The following DIXDC1 variants were observed in gnomAD, a reference collection of about 807,000 sequenced individuals.
DIXDC1 encodes the protein dixin.
DIXDC1 carries 64 observed loss-of-function variants against 103.1 expected under a neutral mutation model. The observed-to-expected ratio is 0.62, with a 90% CI of 0.51 to 0.76. The LOEUF is 0.76. DIXDC1 is among the 30% of genes least tolerant of loss of function. DIXDC1 has a pLI of 0.00. For missense variants in DIXDC1, 759 were observed against 834.2 expected (o/e 0.91, Z 1.11); for synonymous variants, 266 against 298.5 (o/e 0.89, Z 1.12).
At chr11:111,979,023 A>G (rs1860212849) in intron 5 of DIXDC1, among the ~76,000 whole-genome samples, 1 of 152,340 alleles carries the variant, frequency 6.6e-6, no homozygotes, top group South Asian at 2.1e-4. Flanking sequence ...GCTATTTCGG[A>G]ATATCACTTC....
chr11:112,004,054 G>GTATA (rs1214049647), intron 17 of DIXDC1, among the ~76,000 whole-genome samples: 1 of 143,080 alleles, frequency 7.0e-6, no homozygotes, highest in Non-Finnish European at 1.5e-5. Flanking sequence ...ATATATGTAT[G>GTATA]TATATATATG....
At chr11:111,930,162 G>A (rs782067414) in intron 2 of DIXDC1, among the ~76,000 whole-genome samples, 14 of 152,030 alleles carry the variant, frequency 9.2e-5, no homozygotes, top group East Asian at 1.9e-4. Context: ...GAATGTATGC[G>A]TTTTTAAAAG....
chr11:111,960,651 G>T (rs1244783107), intron 1 of DIXDC1, among the ~76,000 whole-genome samples: 1 of 151,754 alleles, frequency 6.6e-6, no homozygotes, highest in Non-Finnish European at 1.5e-5. Flanking sequence ...ACTATTTTAT[G>T]TAAGGAATAG....
chr11:111,988,300 A>G (rs776134853), intron 9 of DIXDC1, among the ~76,000 whole-genome samples: 5 of 152,188 alleles, frequency 3.3e-5, no homozygotes, highest in Non-Finnish European at 7.3e-5. Context: ...GCCCAGCCTA[A>G]TAGAGCAACT....
At chr11:111,955,939 C>T (rs998933674) in intron 1 of DIXDC1, among the ~76,000 whole-genome samples, 1 of 149,786 alleles carries the variant, frequency 6.7e-6, no homozygotes, top group Non-Finnish European at 1.5e-5. Context: ...CTCAAGAGCC[C>T]ATCAACTAAT....
chr11:111,995,357 G>T lies in DIXDC1; in HGVS notation c.1528-46G>T, dbSNP rs782607731. The T allele has an allele frequency of 5.0e-6, 8 of 1,602,856 alleles. No homozygotes were observed. In the African/African-American group the frequency reaches 9.4e-5, roughly 19 times the overall value. On this transcript the variant is annotated intron_variant, in intron 15 of 19. Transcript: ENST00000440460. ...ATATCCTTTTAAGCCCAGTGGTTGG[G>T]AAGTGGCACCGTGCCATGCCAGCAA...
intron 1 of DIXDC1, among the ~76,000 whole-genome samples, chr11:111,939,076 A>G (rs1429149378): frequency 1.3e-5 from 2 of 152,178 alleles, no homozygotes; most frequent in Non-Finnish European, 1.5e-5. Flanking sequence ...AGTCTGACTC[A>G]TTCACCAACT....
At chr11:111,974,735 G>T in intron 4 of DIXDC1, 141 bp from the exon 5 acceptor site, 1 of 1,438,620 alleles carries the variant, frequency 7.0e-7, no homozygotes, top group Non-Finnish European at 9.2e-7. Context: ...TCCCTGCTAG[G>T]TACCAAGTGT....
At chr11:111,948,171 T>G (rs1463272562) in intron 1 of DIXDC1, among the ~76,000 whole-genome samples, 1 of 152,198 alleles carries the variant, frequency 6.6e-6, no homozygotes, top group Non-Finnish European at 1.5e-5. Context: ...ATGCCACTTC[T>G]ACAAGGCCAC....
upstream of DIXDC1, among the ~76,000 whole-genome samples, chr11:111,936,312 A>G (rs1966183831): frequency 1.3e-5 from 2 of 152,242 alleles, no homozygotes; most frequent in Non-Finnish European, 2.9e-5. Context: ...CTGAGTTGCA[A>G]ATGACTAGTA....
At chr11:111,953,228 G>A (rs587757775) in intron 1 of DIXDC1, among the ~76,000 whole-genome samples, 139 of 152,156 alleles carry the variant, frequency 9.1e-4, no homozygotes, top group African/African-American at 3.2e-3. Context: ...GATAGGGTGC[G>A]GAGAGGTACA....
At chr11:111,944,025 G>T (rs1190309804) in intron 1 of DIXDC1, among the ~76,000 whole-genome samples, 1 of 152,192 alleles carries the variant, frequency 6.6e-6, no homozygotes, top group African/African-American at 2.4e-5. Flanking sequence ...AGGGCTGAAA[G>T]AGTTAATAGA....
At chr11:111,994,634 GAA>G (rs1860827344) in intron 14 of DIXDC1, among the ~76,000 whole-genome samples, 1 of 151,148 alleles carries the variant, frequency 6.6e-6, no homozygotes, top group Non-Finnish European at 1.5e-5. Flanking sequence ...ATATATGTAT[GAA>G]TATATATATA....
At chr11:111,944,737 G>T (rs888536809) in intron 1 of DIXDC1, among the ~76,000 whole-genome samples, 6 of 152,094 alleles carry the variant, frequency 3.9e-5, no homozygotes, top group African/African-American at 1.4e-4. Flanking sequence ...AACTTTAGAG[G>T]GGTCCAGTCT....
chr11:111,927,906 C>T (rs1373060567), intron 1 of DIXDC1, among the ~76,000 whole-genome samples: 4 of 149,870 alleles, frequency 2.7e-5, no homozygotes, highest in Non-Finnish European at 5.9e-5. Context: ...ATCCCAGCTA[C>T]TCAGGAGACT....
rs782684470 is a variant in DIXDC1 at position 111,977,531 on chromosome 11, C to G, written c.656+2548C>G. On this transcript the variant is annotated intron_variant, in intron 5 of 19. Transcript: ENST00000440460. This position sits in a 1 kb window ranked among gnomAD's most constrained non-coding sequence, Gnocchi z 6.1. Reference sequence around the variant, plus strand: ...CGGGCTGCTGCACAGTCTGAGCGGCCGGGACTGCGCGCTTCAGAGCCTGGA... The same window carrying G: ...CGGGCTGCTGCACAGTCTGAGCGGCGGGGACTGCGCGCTTCAGAGCCTGGA... 14 of 1,424,630 alleles carry G rather than the reference C, an allele frequency of 9.8e-6. 1 individual carries two copies. The South Asian group carries it at 1.9e-4, about 19-fold the overall frequency. The allele number at this position is 1,424,630 out of a possible 1,614,324, so 88.2% of individuals were successfully genotyped here.
At chr11:112,008,363 T>C (rs1861307515) in intron 17 of DIXDC1, among the ~76,000 whole-genome samples, 3 of 152,098 alleles carry the variant, frequency 2.0e-5, no homozygotes, top group Admixed American at 1.3e-4. Context: ...ACAATAATAA[T>C]GGGAGACTTT....
chr11:111,970,241 G>T (rs1859871155), intron 3 of DIXDC1, among the ~76,000 whole-genome samples: 1 of 151,926 alleles, frequency 6.6e-6, no homozygotes, highest in Non-Finnish European at 1.5e-5. Context: ...TTTTTGTAGA[G>T]ACGGGATTTC....
Position 111,958,046 on chromosome 11 carries a change from C to A in DIXDC1, c.61-6503C>A, listed in dbSNP as rs1411592148. Among the ~76,000 whole-genome samples the A allele has an allele frequency of 6.6e-6, 1 of 152,070 alleles. No individual in the cohort carries two copies. Among genetic ancestry groups the A allele is most frequent in the Non-Finnish European group, 1.5e-5 (1 of 68,000 alleles). On this transcript the variant is annotated intron_variant, in intron 1 of 19. Transcript: ENST00000440460. This position sits in a 1 kb window ranked among gnomAD's most constrained non-coding sequence, Gnocchi z 4.2. ...TGCAGCTGCAGCTGTCCAGCTGTAG[C>A]TGCAGACCTGGGCATCCCTGTGCTC...
Sources: allele counts gnomAD v4.1 joint callset (sites outside exome capture counted in the v4.1 genomes callset), GRCh38; gene constraint gnomAD v4.1.1; non-coding constraint Gnocchi (gnomAD v3.1); transcripts MANE v1.5; gene names NCBI Gene and HGNC (gene_info 2026-07-23, HGNC 2026-07-21).